PUS7: variants seen among roughly 807,000 people sequenced by gnomAD.
PUS7 encodes the protein pseudouridylate synthase 7 homolog.
In PUS7, 48 loss-of-function variants were observed where a neutral mutation model predicts 79.8. That is an observed-to-expected ratio of 0.60 (90% CI 0.48 to 0.76). The LOEUF (loss-of-function observed/expected upper bound fraction) is 0.76. PUS7 is among the 30% of genes least tolerant of loss of function. PUS7 has a pLI of 0.00. For synonymous variants in PUS7, 286 were observed against 272.2 expected (o/e 1.05, Z -0.50); for missense variants, 729 against 797.6 (o/e 0.91, Z 1.04).
At position 105,485,100 on chromosome 7, in the gene PUS7, C is replaced by A. The variant is rs143798570; in HGVS notation, c.921-2660G>T. ...CTGGTCTCAAACTCAAGTGATCTTC[C>A]CGCCTCAGCCCCACAAAGTGCTGGG... On this transcript the variant is annotated intron_variant, in intron 7 of 15. Transcript: ENST00000469408. 2.0e-3 allele frequency among the ~76,000 whole-genome samples: 311 copies of A among 152,064 alleles called. 2 individuals are homozygous for A. Among genetic ancestry groups the A allele is most frequent in the African/African-American group, 7.1e-3 (296 of 41,496 alleles).
chr7:105,495,039 T>C, intron 6 of PUS7, 103 bp downstream of exon 6: 4 of 601,278 alleles, frequency 6.7e-6, no homozygotes, highest in Non-Finnish European at 8.9e-6. Flanking sequence ...GCATTTACTA[T>C]CTGTAATCTG....
At chr7:105,511,063 GCT>G (rs748368113) in intron 1 of PUS7, among the ~76,000 whole-genome samples, 4 of 150,948 alleles carry the variant, frequency 2.6e-5, no homozygotes, top group African/African-American at 4.9e-5. Flanking sequence ...ACGGAGTCTC[GCT>G]CTGTCGCCCA....
chr7:105,489,091 T>C (rs1237121147), intron 7 of PUS7, among the ~76,000 whole-genome samples: 1 of 129,540 alleles, frequency 7.7e-6, no homozygotes, highest in Non-Finnish European at 1.5e-5. Flanking sequence ...GAGCTTGCAG[T>C]GAGGTGAGAT....
chr7:105,517,488 G>T (rs568467697), intron 1 of PUS7, among the ~76,000 whole-genome samples: 45 of 152,264 alleles, frequency 3.0e-4, no homozygotes, highest in Non-Finnish European at 4.0e-4. Flanking sequence ...TGGAGGGAAT[G>T]CTAAAATAAT....
intron 7 of PUS7, 99 bp downstream of exon 7, chr7:105,491,441 C>T: frequency 1.5e-6 from 1 of 676,006 alleles, no homozygotes; most frequent in Non-Finnish European, 2.4e-6. Context: ...GAAGCACCAT[C>T]TAAAGCTGAG....
At chr7:105,467,187 C>T (rs1424417141) in intron 12 of PUS7, among the ~76,000 whole-genome samples, 1 of 151,850 alleles carries the variant, frequency 6.6e-6, no homozygotes, top group Non-Finnish European at 1.5e-5. Flanking sequence ...CAAGGCCTGG[C>T]ACACACAATG....
At chr7:105,502,936 G>A (rs1051151967) in intron 4 of PUS7, among the ~76,000 whole-genome samples, 1 of 152,170 alleles carries the variant, frequency 6.6e-6, no homozygotes, top group African/African-American at 2.4e-5. Context: ...CTGGCCTCAA[G>A]TGATCCATCT....
At chr7:105,465,940 T>C (rs1380123623) in intron 12 of PUS7, among the ~76,000 whole-genome samples, 1 of 152,136 alleles carries the variant, frequency 6.6e-6, no homozygotes, top group Non-Finnish European at 1.5e-5. Flanking sequence ...GGTAGACTGC[T>C]TGAGCCCAGG....
chr7:105,498,617 G>GCT (rs1286889861), intron 5 of PUS7, among the ~76,000 whole-genome samples: 1 of 152,078 alleles, frequency 6.6e-6, no homozygotes, highest in East Asian at 1.9e-4. Context: ...TGAAAAGATG[G>GCT]GGTAGCATGC....
At chr7:105,494,981 A>G (rs545269348) in intron 6 of PUS7, among the ~76,000 whole-genome samples, 161 bp downstream of exon 6, 1 of 151,442 alleles carries the variant, frequency 6.6e-6, no homozygotes. Flanking sequence ...TCTAAAAAAA[A>G]AAAAAAAAAA....
intron 12 of PUS7, among the ~76,000 whole-genome samples, chr7:105,467,240 T>C (rs539428076): frequency 1.3e-5 from 2 of 151,942 alleles, no homozygotes; most frequent in South Asian, 4.2e-4. Context: ...TTGGGAACAT[T>C]TTGGGCATAG....
chr7:105,466,736 T>A (rs976580418), intron 12 of PUS7, among the ~76,000 whole-genome samples: 2 of 150,626 alleles, frequency 1.3e-5, no homozygotes, highest in Admixed American at 1.3e-4. Context: ...AATGGATGCA[T>A]TTTGCTGGGA....
chr7:105,482,347 T>C lies in PUS7; in HGVS notation c.1014A>G (p.Gly338=), dbSNP rs1824355625. 2 of 1,613,414 alleles carry C rather than the reference T, an allele frequency of 1.2e-6. No individual in the cohort carries two copies. Among genetic ancestry groups the C allele is most frequent in the Non-Finnish European group, 1.7e-6 (2 of 1,179,626 alleles). Residue 338 remains glycine, a synonymous_variant, in exon 8 of 16, where the codon GGA becomes GGG. Coordinates refer to ENST00000469408, the MANE Select transcript of PUS7 (RefSeq NM_019042.5). Reference sequence around the variant, plus strand: ...CAGTGAAGTGGTTTCCTTGAAGCTCTCCCAATTTCAGTGGGTTTTTTTGAT... The same window carrying C: ...CAGTGAAGTGGTTTCCTTGAAGCTCCCCCAATTTCAGTGGGTTTTTTTGAT... ...FSYQKNPLKL[G]ELQGNHFTVV...
At chr7:105,465,204 A>C in intron 13 of PUS7, 109 bp downstream of exon 13, 3 of 624,988 alleles carry the variant, frequency 4.8e-6, no homozygotes. Flanking sequence ...ATGTGAATGC[A>C]TCCCTTTCTG....
chr7:105,497,128 A>G lies in PUS7; in HGVS notation c.731-1875T>C, dbSNP rs75996276. 3.7e-3 allele frequency among the ~76,000 whole-genome samples: 559 copies of G among 152,358 alleles called. 6 individuals carry two copies. Among genetic ancestry groups the G allele is most frequent in the African/African-American group, 0.013 (538 of 41,590 alleles). On this transcript the variant is annotated intron_variant, in intron 5 of 15. Coordinates refer to ENST00000469408, the MANE Select transcript of PUS7 (RefSeq NM_019042.5). ...TTATGCGGTGGGTTAACAGCCATTT[A>G]GACATTAACAATGGAATGTTTTAGA...
chr7:105,513,619 C>A (rs149488801), intron 1 of PUS7, among the ~76,000 whole-genome samples: 9,102 of 150,516 alleles, frequency 0.06, 846 homozygotes, highest in African/African-American at 0.21. Context: ...GGCCGGATCA[C>A]GAAGTCAGGA....
At chr7:105,516,350 TAGA>T (rs1347643891) in intron 1 of PUS7, among the ~76,000 whole-genome samples, 2 of 152,166 alleles carry the variant, frequency 1.3e-5, no homozygotes, top group Non-Finnish European at 2.9e-5. Flanking sequence ...GCATATTTAC[TAGA>T]AGAACTGTTC....
intron 12 of PUS7, among the ~76,000 whole-genome samples, chr7:105,467,041 T>TG (rs1362547665): frequency 8.2e-6 from 1 of 121,928 alleles, no homozygotes; most frequent in African/African-American, 3.4e-5. Flanking sequence ...TCTGTTTTTT[T>TG]TTTTTTTTTT....
At chr7:105,461,906 G>A (rs1443616203) in intron 14 of PUS7, among the ~76,000 whole-genome samples, 4 of 152,158 alleles carry the variant, frequency 2.6e-5, no homozygotes, top group African/African-American at 9.7e-5. Flanking sequence ...GGCTGGATGT[G>A]GTGGCTCATG....
Sources: gnomAD v4.1 joint callset for allele counts (sites outside exome capture counted in the v4.1 genomes callset) on GRCh38, gnomAD v4.1.1 for gene constraint, MANE v1.5 for transcripts, NCBI Gene and HGNC (gene_info 2026-07-23, HGNC 2026-07-21) for gene names.